The following ZCCHC14 variants were observed in gnomAD, a reference collection of about 807,000 sequenced individuals.
The protein encoded by ZCCHC14 is zinc finger CCHC-type containing 14.
Under a neutral mutation model 85.0 loss-of-function variants are expected in ZCCHC14, and 16 were observed. The observed-to-expected ratio is 0.19, with a 90% CI of 0.13 to 0.29. The LOEUF (loss-of-function observed/expected upper bound fraction) is 0.29, where lower values mean the gene tolerates loss of function less well. Ranked by LOEUF, ZCCHC14 falls within the 10% of genes least tolerant of loss-of-function variation. ZCCHC14 has a pLI of 1.00. For missense variants in ZCCHC14, 1,303 were observed against 1,443.5 expected (o/e 0.90, Z 1.58); for synonymous variants, 775 against 630.7 (o/e 1.23, Z -3.43).
intron 8 of ZCCHC14, 21 bp downstream of exon 8, chr16:87,417,439 C>T (rs757890175): frequency 1.2e-6 from 2 of 1,609,452 alleles, no homozygotes; most frequent in East Asian, 2.2e-5. Flanking sequence ...TTCTGTACGG[C>T]CAGCCAGAAA....
chr16:87,457,962 C>T (rs927475994), intron 2 of ZCCHC14, among the ~76,000 whole-genome samples: 1 of 152,124 alleles, frequency 6.6e-6, no homozygotes, highest in Admixed American at 6.5e-5. Flanking sequence ...AATGACCACT[C>T]GTGGCCTCAG....
chr16:87,419,558 C>T (rs1908980773), intron 6 of ZCCHC14, among the ~76,000 whole-genome samples: 1 of 152,226 alleles, frequency 6.6e-6, no homozygotes, highest in Non-Finnish European at 1.5e-5. Context: ...GCCTCAGCCT[C>T]CCAAAGTATT....
chr16:87,485,715 CAACA>C (rs1257859128), intron 1 of ZCCHC14, among the ~76,000 whole-genome samples: 1 of 151,950 alleles, frequency 6.6e-6, no homozygotes, highest in Non-Finnish European at 1.5e-5. Flanking sequence ...GTCATCAATT[CAACA>C]AACAAAGATG....
intron 9 of ZCCHC14, 141 bp downstream of exon 9, chr16:87,415,131 AAAAT>A: frequency 3.3e-6 from 2 of 604,800 alleles, no homozygotes; most frequent in South Asian, 4.3e-5. Context: ...TAAATAAATA[AAAAT>A]AAATAAAAGC....
intron 2 of ZCCHC14, among the ~76,000 whole-genome samples, chr16:87,459,377 C>T (rs1282987433): frequency 6.6e-6 from 1 of 151,490 alleles, no homozygotes; most frequent in Non-Finnish European, 1.5e-5. Flanking sequence ...TGTAATCTCA[C>T]TCTGTCACCC....
At chr16:87,443,000 A>C (rs925203297) in intron 2 of ZCCHC14, among the ~76,000 whole-genome samples, 3 of 152,256 alleles carry the variant, frequency 2.0e-5, no homozygotes, top group African/African-American at 7.2e-5. Context: ...CTTTGAACAG[A>C]AGGAAAATGA....
chr16:87,422,906 G>A (rs914115775), intron 4 of ZCCHC14, among the ~76,000 whole-genome samples: 4 of 98,388 alleles, frequency 4.1e-5, no homozygotes, highest in South Asian at 2.6e-4. Flanking sequence ...GCAGATTCCC[G>A]GGGGGGGGTG....
intron 2 of ZCCHC14, among the ~76,000 whole-genome samples, chr16:87,452,632 C>T (rs1223334694): frequency 6.6e-6 from 1 of 152,116 alleles, no homozygotes. Context: ...ATGCAGCCCA[C>T]CAGCTGCACA....
chr16:87,425,484 G>C (rs993272675), intron 3 of ZCCHC14, among the ~76,000 whole-genome samples: 8 of 152,110 alleles, frequency 5.3e-5, no homozygotes, highest in African/African-American at 1.9e-4. Flanking sequence ...ACTGAGGTGG[G>C]AGAACTGCTT....
At chr16:87,441,651 T>C (rs1910190789) in intron 2 of ZCCHC14, among the ~76,000 whole-genome samples, 1 of 152,134 alleles carries the variant, frequency 6.6e-6, no homozygotes. Flanking sequence ...TGTAGGAAAA[T>C]ATGTTTTTCT....
At chr16:87,458,739 G>C (rs1421790304) in intron 2 of ZCCHC14, among the ~76,000 whole-genome samples, 3 of 152,194 alleles carry the variant, frequency 2.0e-5, no homozygotes, top group East Asian at 3.9e-4. Context: ...CACAGGGTGA[G>C]CGAGTGCGGC....
At chr16:87,463,240 G>A (rs1261329182) in intron 1 of ZCCHC14, among the ~76,000 whole-genome samples, 1 of 152,080 alleles carries the variant, frequency 6.6e-6, no homozygotes, top group African/African-American at 2.4e-5. Flanking sequence ...AAATTAGCTG[G>A]GTGTCGTGGC....
chr16:87,456,668 C>T (rs984352058), intron 2 of ZCCHC14, among the ~76,000 whole-genome samples: 1 of 150,954 alleles, frequency 6.6e-6, no homozygotes, highest in African/African-American at 2.4e-5. Context: ...GCTGTAACAA[C>T]GCTGCATGGC....
chr16:87,486,910 G>C (rs1197438507), intron 1 of ZCCHC14, among the ~76,000 whole-genome samples: 2 of 152,198 alleles, frequency 1.3e-5, no homozygotes, highest in Non-Finnish European at 2.9e-5. Flanking sequence ...CTGCTCCAGA[G>C]AGAGTCCGTT....
At chr16:87,433,092 T>G (rs769670703) in intron 3 of ZCCHC14, 36 bp downstream of exon 3, 6 of 1,603,584 alleles carry the variant, frequency 3.7e-6, no homozygotes, top group Non-Finnish European at 5.1e-6. Context: ...CTTCCTAGCC[T>G]TCCAGGAGAG....
chr16:87,442,955 G>A (rs1157005023), intron 2 of ZCCHC14, among the ~76,000 whole-genome samples: 1 of 152,200 alleles, frequency 6.6e-6, no homozygotes, highest in Non-Finnish European at 1.5e-5. Context: ...AGGACTGTTT[G>A]TCAGCGGGCC....
intron 3 of ZCCHC14, among the ~76,000 whole-genome samples, chr16:87,425,044 C>A (rs1213507853): frequency 6.6e-6 from 1 of 152,154 alleles, no homozygotes; most frequent in Non-Finnish European, 1.5e-5. Context: ...GTCTAGTCCC[C>A]GAGGTGTCCA....
intron 10 of ZCCHC14, among the ~76,000 whole-genome samples, chr16:87,413,916 C>A (rs1461133751): frequency 6.6e-6 from 1 of 152,248 alleles, no homozygotes; most frequent in African/African-American, 2.4e-5. Context: ...TTTGCCCAAG[C>A]AACTTCAGGG....
intron 2 of ZCCHC14, among the ~76,000 whole-genome samples, chr16:87,451,613 A>G (rs1910707032): frequency 6.6e-6 from 1 of 152,274 alleles, no homozygotes; most frequent in East Asian, 1.9e-4. Context: ...TTCTAAGCGC[A>G]GCGCCAGCCA....
Sources: allele counts gnomAD v4.1 joint callset (sites outside exome capture counted in the v4.1 genomes callset), GRCh38; gene constraint gnomAD v4.1.1; transcripts MANE v1.5; gene names NCBI Gene and HGNC (gene_info 2026-07-23, HGNC 2026-07-21).